Variants in STK16 observed in about 807,000 individuals in gnomAD.
The protein encoded by STK16 is serine/threonine-protein kinase 16.
STK16 carries 28 observed loss-of-function variants against 37.8 expected under a neutral mutation model. The observed-to-expected ratio is 0.74, with a 90% CI of 0.55 to 1.02. STK16 has a LOEUF of 1.02. STK16 is among the 50% of genes least tolerant of loss of function. The probability of loss-of-function intolerance (pLI) is 0.00; values close to 1 mark genes in which losing one functional copy is unlikely to be tolerated. For synonymous variants in STK16, 134 were observed against 155.0 expected, an observed-to-expected ratio of 0.86 and a Z score of 1.01; for missense variants, 349 against 390.6, an observed-to-expected ratio of 0.89 and a Z score of 0.90.
Position 219,245,694 on chromosome 2 carries a change from A to G in STK16, c.-207A>G. 1 of 221,664 alleles carries G rather than the reference A, an allele frequency of 4.5e-6. No individual in the cohort carries two copies. The highest frequency in any genetic ancestry group is 9.0e-6 in the Non-Finnish European group (1 of 110,546). 13.7% of individuals were successfully genotyped at this position (221,664 alleles called of 1,614,324 possible). ...CTGCCCAAAGATGGGCTGGGGTTGG[A>G]GGAAGTGGCCCGGTAGCCGCTGTGT... On this transcript the variant is annotated 5_prime_UTR_variant, in exon 1 of 8. Coordinates refer to ENST00000396738, the MANE Select transcript of STK16 (RefSeq NM_001330213.2).
At position 219,247,163 on chromosome 2, in the gene STK16, C is replaced by T. The variant is rs1951553612; in HGVS notation, c.357C>T (p.Phe119=). The T allele has an allele frequency of 1.2e-6, 2 of 1,614,252 alleles. No homozygotes were observed. Residue 119 remains phenylalanine, a synonymous_variant, in exon 4 of 8, where the codon TTC becomes TTT. Transcript: ENST00000396738. Reference sequence around the variant, plus strand: ...AAAGGCTGAAGGACAAAGGCAACTTCCTGACCGAGGATCAAATCCTTTGGC... The same window carrying T: ...AAAGGCTGAAGGACAAAGGCAACTTTCTGACCGAGGATCAAATCCTTTGGC... The part of the protein sequence containing the change: ...EIERLKDKGN[F]LTEDQILWLL...
In STK16 at chr2:219,246,128, T is replaced by TCA; in HGVS notation, c.86+44_86+45dup. 1.3e-6 allele frequency: 2 copies of TCA among 1,556,916 alleles called. No individual in the cohort carries two copies. Among genetic ancestry groups the TCA allele is most frequent in the South Asian group, 2.2e-5 (2 of 89,330 alleles). On this transcript the variant is annotated intron_variant, in intron 2 of 7. Coordinates refer to ENST00000396738, the MANE Select transcript of STK16 (RefSeq NM_001330213.2). This position sits in a 1 kb window ranked among gnomAD's most constrained non-coding sequence, Gnocchi z 4.5. Reference sequence around the variant, plus strand: ...AGTTAACTAGTCCTCAAGTTTATGATCATTGAAGGACAGCGGTGTGCATAT... The same window carrying TCA: ...AGTTAACTAGTCCTCAAGTTTATGATCACATTGAAGGACAGCGGTGTGCATAT...
rs1441910624 is a variant in STK16 at position 219,246,148 on chromosome 2, G to A, written c.86+63G>A. 2.4e-5 allele frequency: 35 copies of A among 1,439,684 alleles called. 1 individual carries two copies. In the East Asian group the frequency reaches 3.0e-4, roughly 12 times the overall value. The allele number at this position is 1,439,684 out of a possible 1,614,324, so 89.2% of individuals were successfully genotyped here. ...TATGATCATTGAAGGACAGCGGTGT[G>A]CATATGCTTGGGGCACAAGGGTTTT... On this transcript the variant is annotated intron_variant, in intron 2 of 7. Transcript: ENST00000396738. The surrounding 1 kb of genome is among the most constrained non-coding windows in gnomAD (Gnocchi z 4.5).
In STK16 at chr2:219,249,056, C is replaced by T. The variant is rs183798593; in HGVS notation, c.*497C>T. 7.0e-5 allele frequency: 11 copies of T among 156,606 alleles called. No homozygotes were observed. The East Asian group carries it at 2.1e-3, about 30-fold the overall frequency. 9.7% of individuals were successfully genotyped at this position (156,606 alleles called of 1,614,324 possible). A position where few individuals can be genotyped will look rare whatever the true frequency, so the allele number is the denominator to read the frequency against. ...CTACAGGAGGTTGGTTAGCAGTGGA[C>T]AGTTCTAGCTTGTCTTAGATCAAAA... On this transcript the variant is annotated 3_prime_UTR_variant, in exon 8 of 8. Coordinates refer to ENST00000396738, the MANE Select transcript of STK16 (RefSeq NM_001330213.2).
chr2:219,245,657 TGGGAGCGG>T lies in STK16; in HGVS notation c.-240_-233del, dbSNP rs1951512952. The T allele has an allele frequency of 5.2e-6, 1 of 192,070 alleles. No individual in the cohort carries two copies. Among genetic ancestry groups the T allele is most frequent in the African/African-American group, 2.4e-5 (1 of 42,446 alleles). 11.9% of individuals were successfully genotyped at this position (192,070 alleles called of 1,614,324 possible). A position where few individuals can be genotyped will look rare whatever the true frequency, so the allele number is the denominator to read the frequency against. On this transcript the variant is annotated 5_prime_UTR_variant, in exon 1 of 8. The change creates a premature stop within an existing upstream ORF in the 5' untranslated region. Coordinates refer to ENST00000396738, the MANE Select transcript of STK16 (RefSeq NM_001330213.2). ...CTCTGCTTTTGCGGCGCGATGGGCG[TGGGAGCGG>T]GGGCTGCCCAAAGATGGGCTGGGGT...
Position 219,248,480 on chromosome 2 carries a change from G to A in STK16, c.839G>A (p.Arg280His), listed in dbSNP as rs572938631. Residue 280 changes from arginine (R) to histidine (H), a missense_variant, in exon 8 of 8, where the codon CGT becomes CAT. Coordinates refer to ENST00000396738, the MANE Select transcript of STK16 (RefSeq NM_001330213.2). ...NSMMTVDPHQ[R>H]PHIPLLLSQL... ...ATGATGACCGTGGACCCGCATCAGC[G>A]TCCTCACATTCCTCTCCTCCTCAGT... 3.1e-6 allele frequency: 5 copies of A among 1,614,116 alleles called. No homozygotes were observed. The highest frequency in any genetic ancestry group is 3.3e-5 in the Admixed American group (2 of 60,008).
Position 219,250,059 on chromosome 2 carries a change from C to T in STK16, c.*1500C>T. 5.3e-6 allele frequency: 2 copies of T among 376,822 alleles called. No individual in the cohort carries two copies. Among genetic ancestry groups the T allele is most frequent in the African/African-American group, 2.0e-5 (1 of 49,282 alleles). 23.3% of individuals were successfully genotyped at this position (376,822 alleles called of 1,614,324 possible). A position where few individuals can be genotyped will look rare whatever the true frequency, so the allele number is the denominator to read the frequency against. ...AAGGAGCTGAAGACTCATCCTTCAA[C>T]AGTTTGTGCCTGGATTTTGGTCCTC... On this transcript the variant is annotated 3_prime_UTR_variant, in exon 8 of 8. Coordinates refer to ENST00000396738, the MANE Select transcript of STK16 (RefSeq NM_001330213.2). The surrounding 1 kb of genome is among the most constrained non-coding windows in gnomAD (Gnocchi z 8.4).
In STK16 at chr2:219,250,184, A is replaced by C; in HGVS notation, c.*1625A>C. On this transcript the variant is annotated 3_prime_UTR_variant, in exon 8 of 8. Transcript: ENST00000396738. This position sits in a 1 kb window ranked among gnomAD's most constrained non-coding sequence, Gnocchi z 8.4. ...GAACCCCTTTGCAGGTCTCACCTTC[A>C]GCGATGGAAGGGATAAGGGTCATGA... The C allele has an allele frequency of 2.0e-6, 2 of 1,018,754 alleles. No homozygotes were observed. The highest frequency in any genetic ancestry group is 3.2e-5 in the South Asian group (2 of 62,716). The allele number at this position is 1,018,754 out of a possible 1,614,324, so 63.1% of individuals were successfully genotyped here.
chr2:219,248,581 T>C lies in STK16; in HGVS notation c.*22T>C. On this transcript the variant is annotated 3_prime_UTR_variant, in exon 8 of 8. Transcript: ENST00000396738. ...CTGAAAAAGCAGCATGTTGAGAAGA[T>C]GGCCCCTTGTGCCTTGGAAAGAGGT... 6.3e-7 allele frequency: 1 copy of C among 1,591,770 alleles called. No individual in the cohort carries two copies.
chr2:219,247,353 C>G, intron 4 of STK16, 62 bp from the exon 5 acceptor site: 2 of 1,609,304 alleles, frequency 1.2e-6, no homozygotes, highest in East Asian at 2.2e-5. Context: ...GATTCTTTTG[C>G]TTGCTGGGAT....
Position 219,247,694 on chromosome 2 carries a change from C to T in STK16, c.594C>T (p.Tyr198=), listed in dbSNP as rs1951566844. 1 of 1,609,692 alleles carries T rather than the reference C, an allele frequency of 6.2e-7. No homozygotes were observed. The highest frequency in any genetic ancestry group is 1.7e-5 in the Admixed American group (1 of 59,448). Residue 198 remains tyrosine (Y), a synonymous_variant, in exon 6 of 8, where the codon TAC becomes TAT. Transcript: ENST00000396738. ...CAGCCCAGCGGTGCACCATCTCCTA[C>T]CGAGCCCCAGAGCTCTTCTCTGTGC... The part of the protein sequence containing the change: ...DWAAQRCTIS[Y]RAPELFSVQS...
Position 219,246,236 on chromosome 2 carries a change from T to A in STK16, c.86+151T>A. The A allele has an allele frequency of 1.5e-6, 1 of 673,582 alleles. No homozygotes were observed. Among genetic ancestry groups the A allele is most frequent in the South Asian group, 1.9e-5 (1 of 51,532 alleles). 41.7% of individuals were successfully genotyped at this position (673,582 alleles called of 1,614,324 possible). ...GCTACACAGTATCAAGAAGGTGGAT[T>A]CTGGAGCCAGGCCTGCTAAATCCAC... On this transcript the variant is annotated intron_variant, in intron 2 of 7. Transcript: ENST00000396738. This position sits in a 1 kb window ranked among gnomAD's most constrained non-coding sequence, Gnocchi z 4.5.
Position 219,250,027 on chromosome 2 carries a change from A to T in STK16, c.*1468A>T. ...ACAGAAACCACTGGATTATACTCCT[A>T]CTTGGAAAGGAGCTGAAGACTCATC... On this transcript the variant is annotated 3_prime_UTR_variant, in exon 8 of 8. Transcript: ENST00000396738. The surrounding 1 kb of genome is among the most constrained non-coding windows in gnomAD (Gnocchi z 8.4). 3.5e-6 allele frequency: 1 copy of T among 285,038 alleles called. No homozygotes were observed. The allele number at this position is 285,038 out of a possible 1,614,324, so 17.7% of individuals were successfully genotyped here. A position where few individuals can be genotyped will look rare whatever the true frequency, so the allele number is the denominator to read the frequency against.
rs1021388262 is a variant in STK16, at chr2:219,248,860, G to C, written c.*301G>C. 2 of 292,214 alleles carry C rather than the reference G, an allele frequency of 6.8e-6. No individual in the cohort carries two copies. Among genetic ancestry groups the C allele is most frequent in the East Asian group, 1.3e-4 (2 of 15,416 alleles). The allele number at this position is 292,214 out of a possible 1,614,324, so 18.1% of individuals were successfully genotyped here. A position where few individuals can be genotyped will look rare whatever the true frequency, so the allele number is the denominator to read the frequency against. On this transcript the variant is annotated 3_prime_UTR_variant, in exon 8 of 8. Transcript: ENST00000396738. ...TAGTGTTCTGACTCCAAATCTGGGAGCAGGAGAATGTGTAAACAAGAATAA... is the reference window on the plus strand; with the variant it reads ...TAGTGTTCTGACTCCAAATCTGGGACCAGGAGAATGTGTAAACAAGAATAA...
At position 219,246,622 on chromosome 2, in the gene STK16, G is replaced by T; in HGVS notation, c.87-35G>T. The T allele has an allele frequency of 6.4e-7, 1 of 1,566,962 alleles. No individual in the cohort carries two copies. Among genetic ancestry groups the T allele is most frequent in the South Asian group, 1.1e-5 (1 of 89,894 alleles). On this transcript the variant is annotated intron_variant, in intron 2 of 7. Transcript: ENST00000396738. This position sits in a 1 kb window ranked among gnomAD's most constrained non-coding sequence, Gnocchi z 4.5. The stretch of plus-strand genomic sequence containing the variant: ...TCTAGGTCCAAGCCATGTGGGAGAT[G>T]ACCATGGCCCTTTATTGACCCCTTT...
Position 219,246,659 on chromosome 2 carries a change from G to C in STK16, c.89G>C (p.Gly30Ala), listed in dbSNP as rs1227471592. 6.2e-7 allele frequency: 1 copy of C among 1,613,796 alleles called. No individual in the cohort carries two copies. Among genetic ancestry groups the C allele is most frequent in the Admixed American group, 1.7e-5 (1 of 60,008 alleles). The change falls in exon 3 of 8, where the codon GGG becomes GCG. Residue 30 changes from glycine to alanine, a missense_variant and splice_region_variant. By Grantham distance (60) the Gly-to-Ala change is moderately conservative (BLOSUM62 0). Coordinates refer to ENST00000396738, the MANE Select transcript of STK16 (RefSeq NM_001330213.2). The surrounding 1 kb of genome is among the most constrained non-coding windows in gnomAD (Gnocchi z 4.5). ...YLFIQKLGEG[G>A]FSYVDLVEGL... is the part of the protein sequence containing the mutation. ...TTATTGACCCCTTTGGCCCACAGTG[G>C]GTTCAGCTATGTGGACCTAGTGGAA... is the stretch of plus-strand genomic sequence containing the variant.
chr2:219,248,900 G>A lies in STK16; in HGVS notation c.*341G>A. On this transcript the variant is annotated 3_prime_UTR_variant, in exon 8 of 8. Coordinates refer to ENST00000396738, the MANE Select transcript of STK16 (RefSeq NM_001330213.2). ...AACAAGAATAAAGTGGAAGCAGGTT[G>A]GTGTAGATCTTAGTCTCAGTGTTCC... is the stretch of plus-strand genomic sequence containing the variant. The A allele has an allele frequency of 4.7e-6, 1 of 212,588 alleles. No individual in the cohort carries two copies. The highest frequency in any genetic ancestry group is 9.6e-6 in the Non-Finnish European group (1 of 104,212). The allele number at this position is 212,588 out of a possible 1,614,324, so 13.2% of individuals were successfully genotyped here.
Position 219,248,743 on chromosome 2 carries a change from G to A in STK16, c.*184G>A, listed in dbSNP as rs1396371362. On this transcript the variant is annotated 3_prime_UTR_variant, in exon 8 of 8. Transcript: ENST00000396738. ...CCCTCCAAGAGCAAAACCTGGGCAA[G>A]GGGACTTACTGAGTGGGGGTGGGTG... 2 of 625,266 alleles carry A rather than the reference G, an allele frequency of 3.2e-6. No homozygotes were observed. Among genetic ancestry groups the A allele is most frequent in the Admixed American group, 6.3e-5 (2 of 31,504 alleles). 38.7% of individuals were successfully genotyped at this position (625,266 alleles called of 1,614,324 possible).
Position 219,247,402 on chromosome 2 carries a change from T to A in STK16, c.441-13T>A. The A allele has an allele frequency of 1.2e-6, 2 of 1,614,090 alleles. No individual in the cohort carries two copies. Among genetic ancestry groups the A allele is most frequent in the Non-Finnish European group, 1.7e-6 (2 of 1,180,030 alleles). On this transcript the variant is annotated splice_polypyrimidine_tract_variant and intron_variant, in intron 4 of 7. Coordinates refer to ENST00000396738, the MANE Select transcript of STK16 (RefSeq NM_001330213.2). ...TCCAGAGATGCTCATAGGTCACTTC[T>A]ACTTCTCTACAGAGACTTGAAGCCC...
Sources: gnomAD v4.1 joint callset for allele counts on GRCh38, gnomAD v4.1.1 for gene constraint, Gnocchi (gnomAD v3.1) non-coding constraint, MANE v1.5 for transcripts, NCBI Gene and HGNC (gene_info 2026-07-23, HGNC 2026-07-21) for gene names.